The following CD99 variants were observed in gnomAD, a reference collection of about 807,000 sequenced individuals.
The protein encoded by CD99 is CD99 molecule (Xg blood group), also known as CD99 antigen.
Under a neutral mutation model 28.4 loss-of-function variants are expected in CD99, and 19 were observed. The observed-to-expected ratio is 0.67, with a 90% CI of 0.47 to 0.98. CD99 has a LOEUF of 0.98. Among genes scored for constraint, CD99 ranks in the 50% least tolerant of loss-of-function variants. CD99 has a pLI of 0.00. For synonymous variants in CD99, 103 were observed against 92.1 expected (o/e 1.12, Z -0.67); for missense variants, 283 against 248.8 (o/e 1.14, Z -0.92).
chrX:2,713,642 G>A (rs954795763), intron 1 of CD99, among the ~76,000 whole-genome samples: 1 of 152,110 alleles, frequency 6.6e-6, no homozygotes, highest in Admixed American at 6.6e-5. Flanking sequence ...ACACACTTCC[G>A]GTGTTCACAG....
chrX:2,736,781 C>T lies in CD99; in HGVS notation c.476-1419C>T, dbSNP rs776960361. Reference sequence around the variant, plus strand: ...CTGAGGCAGGAGAATTGCTTGAACCCGGGAGGCGGAGGTTGCAGTGAGCTG... The same window carrying T: ...CTGAGGCAGGAGAATTGCTTGAACCTGGGAGGCGGAGGTTGCAGTGAGCTG... On this transcript the variant is annotated intron_variant, in intron 8 of 9. Transcript: ENST00000381192. Among the ~76,000 whole-genome samples, 18 of 151,966 alleles carry T rather than the reference C, an allele frequency of 1.2e-4. No homozygotes were observed. The East Asian group carries it at 2.7e-3, about 23-fold the overall frequency.
At chrX:2,730,275 C>T (rs868355773) in intron 8 of CD99, among the ~76,000 whole-genome samples, 3 of 151,112 alleles carry the variant, frequency 2.0e-5, no homozygotes, top group South Asian at 2.1e-4. Context: ...CGGGTTCAAG[C>T]GACTCTCCTG....
chrX:2,716,368 G>A (rs111925410), intron 2 of CD99, among the ~76,000 whole-genome samples: 111 of 151,676 alleles, frequency 7.3e-4, no homozygotes, highest in African/African-American at 2.5e-3. Flanking sequence ...ACACTGTCTC[G>A]CTGTGTTGCT....
chrX:2,724,912 AC>A (rs2049193595), intron 7 of CD99, among the ~76,000 whole-genome samples: 1 of 147,452 alleles, frequency 6.8e-6, no homozygotes, highest in Admixed American at 6.7e-5. Context: ...AAAAAAAAAA[AC>A]TAGCCAGGGG....
intron 5 of CD99, among the ~76,000 whole-genome samples, 196 bp downstream of exon 5, chrX:2,720,620 CTTTT>C (rs71281938): frequency 8.0e-4 from 67 of 83,930 alleles, no homozygotes; most frequent in African/African-American, 3.1e-3. Context: ...TTTTAGTTTG[CTTTT>C]TTTTTTTTTT....
chrX:2,726,568 G>A (rs2049295941), intron 8 of CD99, 195 bp downstream of exon 8: 4 of 680,660 alleles, frequency 5.9e-6, no homozygotes, highest in Non-Finnish European at 8.1e-6. Flanking sequence ...GTGTTTTGTT[G>A]TGTGAAAGTT....
chrX:2,691,981 G>C (rs1278339129), intron 1 of CD99: 1 of 757,524 alleles, frequency 1.3e-6, no homozygotes, highest in African/African-American at 1.7e-5. Context: ...GTGGATGCGG[G>C]CTCCGGGAAT....
intron 8 of CD99, among the ~76,000 whole-genome samples, chrX:2,736,876 T>A (rs1024261989): frequency 2.0e-5 from 3 of 147,898 alleles, no homozygotes; most frequent in Non-Finnish European, 4.5e-5. Flanking sequence ...ATAATAATAA[T>A]AAATAAATAA....
chrX:2,691,831 T>C (rs1301273433), intron 1 of CD99: 6 of 777,408 alleles, frequency 7.7e-6, no homozygotes, highest in Non-Finnish European at 1.2e-5. Flanking sequence ...GAGGCCGCCC[T>C]GGAGTTGCCT....
chrX:2,717,540 C>T, intron 2 of CD99, 65 bp from the exon 3 acceptor site: 1 of 1,281,600 alleles, frequency 7.8e-7, no homozygotes, highest in Non-Finnish European at 1.1e-6. Flanking sequence ...TCCTTAACCA[C>T]AAAAGAGTTG....
At position 2,729,879 on chromosome X, in the gene CD99, G is replaced by A. The variant is rs534747661; in HGVS notation, c.475+3506G>A. Among the ~76,000 whole-genome samples, 5 of 152,266 alleles carry A rather than the reference G, an allele frequency of 3.3e-5. 1 individual carries two copies. The highest frequency in any genetic ancestry group is 9.6e-5 in the African/African-American group (4 of 41,568). On this transcript the variant is annotated intron_variant, in intron 8 of 9. Transcript: ENST00000381192. ...AGAACAAAAGCAAATATGTCCTGGCGAGGTGGCCGACACCTGTAATCCCAG... is the reference window on the plus strand; with the variant it reads ...AGAACAAAAGCAAATATGTCCTGGCAAGGTGGCCGACACCTGTAATCCCAG...
chrX:2,719,565 T>A (rs1246596662), intron 3 of CD99, 96 bp from the exon 4 acceptor site: 1 of 948,810 alleles, frequency 1.1e-6, no homozygotes, highest in South Asian at 1.3e-5. Flanking sequence ...TATTTAGGAA[T>A]GTGGGGCCGT....
intron 8 of CD99, 65 bp downstream of exon 8, chrX:2,726,438 AAAAGGCAG>A (rs2049288778): frequency 9.3e-7 from 1 of 1,074,434 alleles, no homozygotes; most frequent in Admixed American, 1.7e-5. Flanking sequence ...TGCTTTCTTT[AAAAGGCAG>A]AAACCAAACT....
intron 1 of CD99, among the ~76,000 whole-genome samples, chrX:2,705,917 A>G (rs1389483843): frequency 6.6e-6 from 1 of 152,114 alleles, no homozygotes; most frequent in Non-Finnish European, 1.5e-5. Context: ...TGCTTGCTCC[A>G]ATGTGGAGGC....
At chrX:2,714,391 T>C in intron 1 of CD99, 31 bp from the exon 2 acceptor site, 10 of 1,525,662 alleles carry the variant, frequency 6.6e-6, no homozygotes, top group Non-Finnish European at 9.0e-6. Context: ...ATTTTTCTTG[T>C]TTCTAAGTTG....
intron 1 of CD99, among the ~76,000 whole-genome samples, chrX:2,707,911 C>T: frequency 1.3e-5 from 2 of 152,236 alleles, no homozygotes; most frequent in South Asian, 4.2e-4. Context: ...CAATTTCCTG[C>T]CTACCACCTG....
chrX:2,730,241 C>T (rs1038116473), intron 8 of CD99, among the ~76,000 whole-genome samples: 49 of 151,292 alleles, frequency 3.2e-4, no homozygotes, highest in Admixed American at 1.6e-3. Flanking sequence ...GGCGTGATCT[C>T]GGCTCACTGC....
rs776422023 is a variant in CD99 at position 2,726,391 on chromosome X, G to A, written c.475+18G>A. On this transcript the variant is annotated intron_variant, in intron 8 of 9. Coordinates refer to ENST00000381192, the MANE Select transcript of CD99 (RefSeq NM_002414.5). ...AGAAAATGGTAAGTCTCAGTCCGCC[G>A]GTGCCTCTCCTTCATGCCTTGCTGA... The A allele has an allele frequency of 2.0e-5, 29 of 1,456,240 alleles. No individual in the cohort carries two copies. The highest frequency in any genetic ancestry group is 4.2e-5 in the African/African-American group (3 of 71,796). 90.2% of individuals were successfully genotyped at this position (1,456,240 alleles called of 1,614,324 possible).
rs547802697 is a variant in CD99 at position 2,702,092 on chromosome X, C to T, written c.67+10665C>T. On this transcript the variant is annotated intron_variant, in intron 1 of 9. Transcript: ENST00000381192. ...TTGAGAACTGGGGTGCGGAGCTGTG[C>T]TCCTTAAACTGTAATGTGCTTACAG... is the stretch of plus-strand genomic sequence containing the variant. 2.8e-4 allele frequency among the ~76,000 whole-genome samples: 42 copies of T among 152,326 alleles called. No homozygotes were observed. In the South Asian group the frequency reaches 8.3e-3, roughly 30 times the overall value.
Sources: allele counts gnomAD v4.1 joint callset (sites outside exome capture counted in the v4.1 genomes callset), GRCh38; gene constraint gnomAD v4.1.1; transcripts MANE v1.5; gene names NCBI Gene and HGNC (gene_info 2026-07-23, HGNC 2026-07-21).